The following PALM2AKAP2 variants were observed in gnomAD, a reference collection of about 807,000 sequenced individuals.
PALM2AKAP2 encodes PALM2-AKAP2 fusion protein.
Under a neutral mutation model 71.5 loss-of-function variants are expected in PALM2AKAP2, and 37 were observed. That is an observed-to-expected ratio of 0.52 (90% CI 0.40 to 0.68). PALM2AKAP2 has a LOEUF of 0.68. Ranked by LOEUF, PALM2AKAP2 falls within the 30% of genes least tolerant of loss-of-function variation. The probability of loss-of-function intolerance (pLI) is 0.00; values close to 1 mark genes in which losing one functional copy is unlikely to be tolerated. For missense variants in PALM2AKAP2, 1,224 were observed against 1,191.8 expected (o/e 1.03, Z -0.40); for synonymous variants, 468 against 478.8 (o/e 0.98, Z 0.29).
intron 2 of PALM2AKAP2, among the ~76,000 whole-genome samples, chr9:110,150,273 G>T (rs1187410215): frequency 1.3e-5 from 2 of 152,220 alleles, no homozygotes; most frequent in Non-Finnish European, 2.9e-5. Context: ...AGTGCGTGTT[G>T]TTCAAACCAT....
intron 7 of PALM2AKAP2, among the ~76,000 whole-genome samples, chr9:110,038,917 A>G (rs557511192): frequency 9.4e-4 from 104 of 110,938 alleles, no homozygotes; most frequent in African/African-American, 3.3e-3. Flanking sequence ...GCCTGGCAAC[A>G]AGAGCAAAAC....
rs533861477 is a variant in PALM2AKAP2, at chr9:109,799,584, C to T, written c.45+19051C>T. 1.5e-3 allele frequency among the ~76,000 whole-genome samples: 230 copies of T among 152,322 alleles called. 1 individual carries two copies. Among genetic ancestry groups the T allele is most frequent in the Non-Finnish European group, 2.8e-3 (192 of 68,034 alleles). Reference sequence around the variant, plus strand: ...CCATTACTCACTGCAGTCTTGACCACCTGCGCTCAAGTGATCCTCTCACTT... The same window carrying T: ...CCATTACTCACTGCAGTCTTGACCATCTGCGCTCAAGTGATCCTCTCACTT... On this transcript the variant is annotated intron_variant, in intron 1 of 9. Transcript: ENST00000302798.
chr9:109,893,577 C>T (rs996740667), intron 3 of PALM2AKAP2, among the ~76,000 whole-genome samples: 3 of 152,122 alleles, frequency 2.0e-5, no homozygotes, highest in Non-Finnish European at 4.4e-5. Flanking sequence ...TCCAGAGTAG[C>T]TGGGATTACA....
intron 6 of PALM2AKAP2, among the ~76,000 whole-genome samples, chr9:109,998,504 C>T (rs1382906413): frequency 2.6e-5 from 4 of 152,052 alleles, no homozygotes; most frequent in South Asian, 2.1e-4. Context: ...ACTCAATAGC[C>T]GTGGAGGGCG....
At chr9:109,769,600 A>G (rs1829223628) in intron 1 of PALM2AKAP2, among the ~76,000 whole-genome samples, 1 of 152,172 alleles carries the variant, frequency 6.6e-6, no homozygotes, top group Non-Finnish European at 1.5e-5. Context: ...GACTTCACCC[A>G]ACAGTGGTTG....
intron 2 of PALM2AKAP2, among the ~76,000 whole-genome samples, chr9:110,146,470 A>T (rs1836174148): frequency 6.6e-6 from 1 of 152,120 alleles, no homozygotes. Flanking sequence ...GCTGCAAGTT[A>T]GTTAGGGGAG....
intron 1 of PALM2AKAP2, among the ~76,000 whole-genome samples, chr9:109,839,949 T>A (rs145021313): frequency 0.012 from 1,786 of 152,238 alleles, 34 homozygotes; most frequent in African/African-American, 0.041. Flanking sequence ...CCAAAGTAAT[T>A]TATAGATTCA....
chr9:109,870,534 C>T (rs1357789951), intron 2 of PALM2AKAP2, among the ~76,000 whole-genome samples: 1 of 152,068 alleles, frequency 6.6e-6, no homozygotes, highest in Admixed American at 6.6e-5. Flanking sequence ...AAACACATAC[C>T]CTCAATAATG....
intron 7 of PALM2AKAP2, chr9:110,024,987 A>T: frequency 1.5e-6 from 2 of 1,290,990 alleles, no homozygotes; most frequent in South Asian, 2.4e-5. Flanking sequence ...CTTCAGTTGA[A>T]CCCAGGTACC....
intron 1 of PALM2AKAP2, among the ~76,000 whole-genome samples, chr9:110,063,399 A>C (rs551067903): frequency 6.7e-6 from 1 of 150,336 alleles, no homozygotes; most frequent in Non-Finnish European, 1.5e-5. Context: ...GTGTCTTCAC[A>C]TGGTCTCTCC....
At chr9:109,979,668 C>G (rs191672894) in intron 6 of PALM2AKAP2, among the ~76,000 whole-genome samples, 354 of 152,276 alleles carry the variant, frequency 2.3e-3, no homozygotes, top group African/African-American at 8.3e-3. Flanking sequence ...AATGACTGAT[C>G]CCATTAATGG....
chr9:109,721,146 A>T (rs1334401420), intron 1 of PALM2AKAP2, among the ~76,000 whole-genome samples: 2 of 152,210 alleles, frequency 1.3e-5, no homozygotes, highest in Non-Finnish European at 2.9e-5. Flanking sequence ...TGGCTGAATT[A>T]CAGGATTCTA....
chr9:109,653,115 A>G (rs545086020), intron 1 of PALM2AKAP2, among the ~76,000 whole-genome samples: 1 of 152,344 alleles, frequency 6.6e-6, no homozygotes, highest in South Asian at 2.1e-4. Flanking sequence ...TTTAGTTTGC[A>G]CTATGACTAA....
intron 1 of PALM2AKAP2, among the ~76,000 whole-genome samples, chr9:110,069,251 C>T (rs974933518): frequency 1.2e-4 from 19 of 152,302 alleles, no homozygotes; most frequent in Middle Eastern, 3.4e-3. Flanking sequence ...GTAACAAGTC[C>T]GACATGGCTG....
intron 1 of PALM2AKAP2, among the ~76,000 whole-genome samples, chr9:110,049,390 C>G (rs73657331): frequency 0.043 from 6,581 of 152,104 alleles, 461 homozygotes; most frequent in African/African-American, 0.14. Context: ...GCCCCGGCCC[C>G]GGTCCCGGCC....
intron 5 of PALM2AKAP2, 54 bp downstream of exon 5, chr9:109,925,136 G>A (rs755557886): frequency 3.4e-5 from 54 of 1,611,942 alleles, no homozygotes; most frequent in Non-Finnish European, 4.3e-5. Flanking sequence ...GGTCAGCTTA[G>A]GGGGTTTCAT....
chr9:109,882,816 A>T (rs1344741576), intron 3 of PALM2AKAP2, among the ~76,000 whole-genome samples: 9 of 143,900 alleles, frequency 6.3e-5, no homozygotes, highest in Admixed American at 3.5e-4. Context: ...CATTATTATT[A>T]TTTTTTTTTT....
intron 7 of PALM2AKAP2, among the ~76,000 whole-genome samples, chr9:110,040,715 A>G (rs1293156509): frequency 6.6e-6 from 1 of 152,218 alleles, no homozygotes; most frequent in Non-Finnish European, 1.5e-5. Flanking sequence ...CAAAATTGAA[A>G]AGAAGTTAAG....
chr9:110,153,937 C>G (rs1836383222), intron 2 of PALM2AKAP2, among the ~76,000 whole-genome samples: 1 of 152,178 alleles, frequency 6.6e-6, no homozygotes, highest in Admixed American at 6.6e-5. Context: ...GCTGTGCTTT[C>G]TAGGTGTTTA....
Sources: allele counts gnomAD v4.1 joint callset (sites outside exome capture counted in the v4.1 genomes callset), GRCh38; gene constraint gnomAD v4.1.1; transcripts MANE v1.5; gene names NCBI Gene and HGNC (gene_info 2026-07-23, HGNC 2026-07-21).